Variants in DCDC2 observed in about 807,000 individuals in gnomAD.
The protein encoded by DCDC2 is doublecortin domain-containing protein 2.
DCDC2 carries 40 observed loss-of-function variants against 50.2 expected under a neutral mutation model. That is an observed-to-expected ratio of 0.80 (90% CI 0.62 to 1.04). DCDC2 has a LOEUF of 1.04. DCDC2 is among the 50% of genes least tolerant of loss of function. DCDC2 has a pLI of 0.00. For missense variants in DCDC2, 570 were observed against 581.9 expected (o/e 0.98, Z 0.21); for synonymous variants, 234 against 210.6 (o/e 1.11, Z -0.96).
intron 2 of DCDC2, among the ~76,000 whole-genome samples, chr6:24,307,631 T>G (rs1759497079): frequency 6.6e-6 from 1 of 152,172 alleles, no homozygotes; most frequent in East Asian, 1.9e-4. Context: ...TTTTCACCAC[T>G]TTTTGATAAA....
intron 7 of DCDC2, among the ~76,000 whole-genome samples, chr6:24,239,540 A>G (rs1162930734): frequency 6.6e-6 from 1 of 152,216 alleles, no homozygotes; most frequent in African/African-American, 2.4e-5. Flanking sequence ...CCAGCTAATT[A>G]GGAATGATTT....
upstream of DCDC2, among the ~76,000 whole-genome samples, chr6:24,359,531 A>T (rs1294361745): frequency 6.0e-4 from 60 of 100,550 alleles, no homozygotes; most frequent in South Asian, 2.9e-3. Context: ...TTTTATATAT[A>T]TTTTTTATAT....
intron 7 of DCDC2, among the ~76,000 whole-genome samples, chr6:24,242,813 T>C (rs1291686285): frequency 6.6e-6 from 1 of 151,888 alleles, no homozygotes. Flanking sequence ...AATACAAAAA[T>C]TAGCCAGGCG....
At chr6:24,197,140 A>C (rs1263536958) in intron 8 of DCDC2, among the ~76,000 whole-genome samples, 1 of 152,110 alleles carries the variant, frequency 6.6e-6, no homozygotes, top group Admixed American at 6.5e-5. Context: ...GCTTTTACCA[A>C]TCTGTTTCTC....
chr6:24,309,011 G>A (rs1759524608), intron 2 of DCDC2, among the ~76,000 whole-genome samples: 1 of 152,080 alleles, frequency 6.6e-6, no homozygotes, highest in African/African-American at 2.4e-5. Context: ...AGTATAAAAG[G>A]ACATTGAATG....
At chr6:24,375,869 G>T in the DCDC2 span, among the ~76,000 whole-genome samples, 1 of 152,102 alleles carries the variant, frequency 6.6e-6, no homozygotes, top group African/African-American at 2.4e-5. Flanking sequence ...AGGAAGGGAG[G>T]CAGAGAAGGA....
chr6:24,373,850 T>A, the DCDC2 span, among the ~76,000 whole-genome samples: 1 of 151,778 alleles, frequency 6.6e-6, no homozygotes, highest in African/African-American at 2.4e-5. Flanking sequence ...AGGAAGAAAG[T>A]GGGAGGGAGG....
chr6:24,307,684 C>A (rs1024887907), intron 2 of DCDC2, among the ~76,000 whole-genome samples: 4 of 151,918 alleles, frequency 2.6e-5, no homozygotes, highest in Non-Finnish European at 4.4e-5. Flanking sequence ...GACTAGAAAA[C>A]AATTTATCAA....
At chr6:24,198,219 C>T (rs1340444978) in intron 8 of DCDC2, among the ~76,000 whole-genome samples, 4 of 152,158 alleles carry the variant, frequency 2.6e-5, no homozygotes, top group Non-Finnish European at 4.4e-5. Flanking sequence ...CTGAAGATGG[C>T]CAAATAGGAA....
chr6:24,349,058 A>G (rs1184259397), intron 2 of DCDC2, among the ~76,000 whole-genome samples: 1 of 152,194 alleles, frequency 6.6e-6, no homozygotes, highest in African/African-American at 2.4e-5. Flanking sequence ...TGGTTATGGA[A>G]AAAAAAGAAT....
the DCDC2 span, among the ~76,000 whole-genome samples, chr6:24,377,710 G>A: frequency 1.3e-5 from 2 of 152,146 alleles, no homozygotes; most frequent in South Asian, 2.1e-4. Context: ...AGCATAGGCC[G>A]GGCACAATGA....
At chr6:24,342,326 T>C (rs1312650599) in intron 2 of DCDC2, among the ~76,000 whole-genome samples, 1 of 152,242 alleles carries the variant, frequency 6.6e-6, no homozygotes, top group Non-Finnish European at 1.5e-5. Context: ...TAAACAATAT[T>C]GACTGTAAGT....
intron 7 of DCDC2, among the ~76,000 whole-genome samples, chr6:24,277,831 A>G (rs1763393470): frequency 6.6e-6 from 1 of 152,214 alleles, no homozygotes; most frequent in African/African-American, 2.4e-5. Flanking sequence ...ACCACAAAAT[A>G]TATTTGATCT....
intron 4 of DCDC2, among the ~76,000 whole-genome samples, chr6:24,291,707 G>C (rs979167881): frequency 6.6e-6 from 1 of 151,700 alleles, no homozygotes; most frequent in Admixed American, 6.6e-5. Flanking sequence ...GGATGGTCTC[G>C]ATCTCCTGAC....
At chr6:24,216,370 G>A (rs1420557552) in intron 7 of DCDC2, among the ~76,000 whole-genome samples, 1 of 152,212 alleles carries the variant, frequency 6.6e-6, no homozygotes, top group African/African-American at 2.4e-5. Context: ...GCGGGAAAGT[G>A]GAAGTCAACA....
At chr6:24,222,106 G>A (rs1025337884) in intron 7 of DCDC2, among the ~76,000 whole-genome samples, 6 of 70,282 alleles carry the variant, frequency 8.5e-5, no homozygotes, top group Non-Finnish European at 2.2e-4. Flanking sequence ...GAAAAGGTGA[G>A]AAAAAGACAA....
chr6:24,359,695 G>C (rs1760628104), upstream of DCDC2, among the ~76,000 whole-genome samples: 1 of 149,460 alleles, frequency 6.7e-6, no homozygotes, highest in African/African-American at 2.5e-5. Flanking sequence ...CCGGGAGTTT[G>C]AGACCAACCT....
At position 24,245,848 on chromosome 6, in the gene DCDC2, G is replaced by A. The variant is rs1242827975; in HGVS notation, c.922+32201C>T. Among the ~76,000 whole-genome samples the A allele has an allele frequency of 2.0e-5, 3 of 152,070 alleles. No individual in the cohort carries two copies. In the South Asian group the frequency reaches 6.2e-4, roughly 31 times the overall value. On this transcript the variant is annotated intron_variant, in intron 7 of 9. Coordinates refer to ENST00000378454, the MANE Select transcript of DCDC2 (RefSeq NM_016356.5). ...CAAAAACTGGCAAATTTGAAAAAGG[G>A]TCAACTAGAACTACTAGAAATGAAA...
intron 7 of DCDC2, among the ~76,000 whole-genome samples, chr6:24,227,100 C>T (rs1184731593): frequency 6.6e-6 from 1 of 152,108 alleles, no homozygotes; most frequent in Non-Finnish European, 1.5e-5. Flanking sequence ...GATGGAAAAG[C>T]AGCAGACGGG....
Sources: allele counts gnomAD v4.1 joint callset (sites outside exome capture counted in the v4.1 genomes callset), GRCh38; gene constraint gnomAD v4.1.1; transcripts MANE v1.5; gene names NCBI Gene and HGNC (gene_info 2026-07-23, HGNC 2026-07-21).